Variants in DPP8 observed in about 807,000 individuals in gnomAD.
The protein encoded by DPP8 is dipeptidyl peptidase 8, also known as DPP VIII.
DPP8 carries 31 observed loss-of-function variants against 107.5 expected under a neutral mutation model. The ratio of observed to expected loss-of-function variants is 0.29; its 90% CI spans 0.22 to 0.39. The LOEUF is 0.39. DPP8 is among the 10% of genes least tolerant of loss of function. DPP8 has a pLI of 1.00. For missense variants in DPP8, 842 were observed against 1,076.1 expected (o/e 0.78, Z 3.04); for synonymous variants, 381 against 356.6 (o/e 1.07, Z -0.77).
At position 65,513,304 on chromosome 15, in the gene DPP8, C is replaced by T. The variant is rs369555785; in HGVS notation, c.-11-740G>A. Among the ~76,000 whole-genome samples the T allele has an allele frequency of 1.3e-3, 205 of 152,096 alleles. 1 individual carries two copies. The highest frequency in any genetic ancestry group is 4.6e-3 in the African/African-American group (192 of 41,528). On this transcript the variant is annotated intron_variant, in intron 1 of 19. Coordinates refer to ENST00000300141, the MANE Select transcript of DPP8 (RefSeq NM_130434.5). ...TCTTGGCTCTTTGCAAGCTCCGCCT[C>T]CCAGGTTCACGCCATTCTCTGCCTT... is the stretch of plus-strand genomic sequence containing the variant.
chr15:65,506,400 C>T (rs755138018), intron 3 of DPP8, among the ~76,000 whole-genome samples: 1 of 151,776 alleles, frequency 6.6e-6, no homozygotes, highest in Admixed American at 6.6e-5. Flanking sequence ...AAGAAGCAAA[C>T]GATTGTACCG....
chr15:65,464,170 T>G (rs1419755540), intron 14 of DPP8, among the ~76,000 whole-genome samples: 6 of 152,008 alleles, frequency 3.9e-5, no homozygotes, highest in African/African-American at 1.4e-4. Flanking sequence ...GAGACCATCC[T>G]GGCTAACACG....
chr15:65,473,751 CTAAGAT>C (rs1290752522), intron 12 of DPP8, among the ~76,000 whole-genome samples: 1 of 152,178 alleles, frequency 6.6e-6, no homozygotes, highest in Non-Finnish European at 1.5e-5. Flanking sequence ...ATCATTTAAA[CTAAGAT>C]TATTTCTTTC....
At chr15:65,471,009 C>T (rs991740921) in intron 12 of DPP8, among the ~76,000 whole-genome samples, 2 of 151,146 alleles carry the variant, frequency 1.3e-5, no homozygotes, top group African/African-American at 2.4e-5. Context: ...AACTGATAAA[C>T]GTAGTGGCAA....
chr15:65,514,482 T>A (rs2071194042), intron 1 of DPP8, among the ~76,000 whole-genome samples: 1 of 152,172 alleles, frequency 6.6e-6, no homozygotes, highest in Admixed American at 6.5e-5. Context: ...CTACCAAATG[T>A]CAACGGAACC....
At chr15:65,457,643 G>C (rs1396627945) in intron 15 of DPP8, among the ~76,000 whole-genome samples, 1 of 152,106 alleles carries the variant, frequency 6.6e-6, no homozygotes, top group East Asian at 1.9e-4. Flanking sequence ...TGTTCACTGG[G>C]TATCCTCACT....
rs1272644234 is a variant in DPP8 at position 65,442,781 on chromosome 15, G to A, written c.*4103C>T. On this transcript the variant is annotated 3_prime_UTR_variant, in exon 20 of 20. Transcript: ENST00000300141. ...TATGAAATGATCACCTAGAGCCCAG[G>A]ACCTTGCACTAACATCTCTATATTT... 1 of 152,142 alleles carries A rather than the reference G, an allele frequency of 6.6e-6. No homozygotes were observed. Among genetic ancestry groups the A allele is most frequent in the African/African-American group, 2.4e-5 (1 of 41,420 alleles). The allele number at this position is 152,142 out of a possible 1,614,324, so 9.4% of individuals were successfully genotyped here.
intron 19 of DPP8, among the ~76,000 whole-genome samples, chr15:65,447,577 T>C (rs898258145): frequency 1.3e-5 from 2 of 152,206 alleles, no homozygotes; most frequent in East Asian, 3.8e-4. Flanking sequence ...GAAATGGGAA[T>C]GCATAAAGCA....
chr15:65,454,439 C>T, intron 16 of DPP8, 24 bp from the exon 17 acceptor site: 1 of 1,575,784 alleles, frequency 6.3e-7, no homozygotes, highest in Non-Finnish European at 8.6e-7. Flanking sequence ...GAGAACATTT[C>T]ACTGATTCTG....
At chr15:65,457,280 G>A (rs2064511649) in intron 15 of DPP8, among the ~76,000 whole-genome samples, 2 of 152,162 alleles carry the variant, frequency 1.3e-5, no homozygotes, top group African/African-American at 2.4e-5. Context: ...CTTGAACCCA[G>A]AAGGCAGAGA....
In DPP8 at chr15:65,466,819, G is replaced by A. The variant is rs761783808; in HGVS notation, c.1690-6C>T. ...CTTATAAAGAAGTCACAGTGCTAGA[G>A]AAAGGAGAAACAATTATATTTTTCG... On this transcript the variant is annotated splice_polypyrimidine_tract_variant and splice_region_variant and intron_variant, in intron 13 of 19. Transcript: ENST00000300141. The A allele has an allele frequency of 6.2e-7, 1 of 1,607,440 alleles. No homozygotes were observed. Among genetic ancestry groups the A allele is most frequent in the Non-Finnish European group, 8.5e-7 (1 of 1,178,198 alleles).
chr15:65,456,926 T>C (rs537947740), intron 15 of DPP8, among the ~76,000 whole-genome samples: 2 of 152,348 alleles, frequency 1.3e-5, no homozygotes, highest in South Asian at 4.1e-4. Flanking sequence ...ACTTGACATT[T>C]ACCGTTTTCT....
chr15:65,484,348 A>T (rs2067206169), intron 8 of DPP8, among the ~76,000 whole-genome samples: 1 of 151,240 alleles, frequency 6.6e-6, no homozygotes, highest in Admixed American at 6.6e-5. Flanking sequence ...AAGGTTGCCT[A>T]GTGCTGGGGG....
rs1323505158 is a variant in DPP8 at position 65,444,376 on chromosome 15, AAACGTAGTATGATATTT to A, written c.*2491_*2507del. On this transcript the variant is annotated 3_prime_UTR_variant, in exon 20 of 20. Coordinates refer to ENST00000300141, the MANE Select transcript of DPP8 (RefSeq NM_130434.5). The stretch of plus-strand genomic sequence containing the variant: ...GTGTACACATTTATCAAGTCTTTAA[AAACGTAGTATGATATTT>A]AACCTAGTGCTTTTTGGCTCCCACT... 10 of 152,326 alleles carry A rather than the reference AAACGTAGTATGATATTT, an allele frequency of 6.6e-5. No homozygotes were observed. In the East Asian group the frequency reaches 1.9e-3, roughly 29 times the overall value. 9.4% of individuals were successfully genotyped at this position (152,326 alleles called of 1,614,324 possible).
intron 16 of DPP8, 55 bp from the exon 17 acceptor site, chr15:65,454,470 A>C: frequency 6.9e-7 from 1 of 1,458,978 alleles, no homozygotes; most frequent in Non-Finnish European, 9.2e-7. Context: ...GTCTCGTAAG[A>C]GTGCTTTCAA....
At chr15:65,482,625 C>A (rs1188164686) in intron 8 of DPP8, among the ~76,000 whole-genome samples, 3 of 152,094 alleles carry the variant, frequency 2.0e-5, no homozygotes, top group Admixed American at 1.3e-4. Context: ...AAAGTTTTTT[C>A]TTTTAAAAGT....
At chr15:65,464,320 G>A (rs762682452) in intron 14 of DPP8, among the ~76,000 whole-genome samples, 8 of 151,534 alleles carry the variant, frequency 5.3e-5, no homozygotes, top group Non-Finnish European at 7.4e-5. Flanking sequence ...CTGAGATCAC[G>A]CCACTGCACT....
chr15:65,458,449 C>G (rs2064629111), intron 15 of DPP8: 1 of 151,954 alleles, frequency 6.6e-6, no homozygotes, highest in East Asian at 1.9e-4. Flanking sequence ...TTAATAAGGT[C>G]GGGGTTTCAC....
chr15:65,452,200 T>C, intron 17 of DPP8, 98 bp from the exon 18 acceptor site: 1 of 1,407,862 alleles, frequency 7.1e-7, no homozygotes, highest in South Asian at 1.4e-5. Flanking sequence ...AAAATTATCC[T>C]TAAGCTTTAG....
Sources: gnomAD v4.1 joint callset for allele counts (sites outside exome capture counted in the v4.1 genomes callset) on GRCh38, gnomAD v4.1.1 for gene constraint, MANE v1.5 for transcripts, NCBI Gene and HGNC (gene_info 2026-07-23, HGNC 2026-07-21) for gene names.